Variants in RBFOX3 observed in about 807,000 individuals in gnomAD.
RBFOX3 encodes RNA binding fox-1 homolog 3.
RBFOX3 carries 17 observed loss-of-function variants against 48.7 expected under a neutral mutation model. The ratio of observed to expected loss-of-function variants is 0.35; its 90% CI spans 0.24 to 0.52. The LOEUF is 0.52. Ranked by LOEUF, RBFOX3 falls within the 20% of genes least tolerant of loss-of-function variation. The pLI, the probability that RBFOX3 is intolerant of heterozygous loss-of-function variation, is 0.94. For missense variants in RBFOX3, 382 were observed against 497.5 expected (o/e 0.77, Z 2.21); for synonymous variants, 212 against 209.5 (o/e 1.01, Z -0.10).
chr17:79,505,233 C>A (rs1485033112), intron 1 of RBFOX3, among the ~76,000 whole-genome samples: 1 of 152,142 alleles, frequency 6.6e-6, no homozygotes, highest in African/African-American at 2.4e-5. Flanking sequence ...CTACAGAAGA[C>A]CCCGCCCAGG....
intron 3 of RBFOX3, among the ~76,000 whole-genome samples, chr17:79,266,949 C>G (rs1306845867): frequency 6.6e-6 from 1 of 152,194 alleles, no homozygotes; most frequent in Admixed American, 6.5e-5. Context: ...TTGCATGCCA[C>G]TTTCTTGAGT....
At chr17:79,240,864 C>T (rs144810829) in intron 3 of RBFOX3, among the ~76,000 whole-genome samples, 2 of 152,264 alleles carry the variant, frequency 1.3e-5, no homozygotes, top group East Asian at 1.9e-4. Context: ...TGGGGTTTCA[C>T]CATGTTAGCC....
In RBFOX3 at chr17:79,491,802, G is replaced by A. The variant is rs559712499; in HGVS notation, c.-319-9204C>T. Among the ~76,000 whole-genome samples the A allele has an allele frequency of 1.8e-4, 28 of 152,270 alleles. No individual in the cohort carries two copies. The East Asian group carries it at 2.1e-3, about 12-fold the overall frequency. On this transcript the variant is annotated intron_variant, in intron 1 of 14. Coordinates refer to ENST00000693108, the MANE Select transcript of RBFOX3 (RefSeq NM_001350451.2). ...CCTATGTTAAAAATGGCACAAGGCC[G>A]GGCATGGTGGTTCATACCTGTAATC...
intron 1 of RBFOX3, among the ~76,000 whole-genome samples, chr17:79,514,550 A>G (rs1319568543): frequency 2.0e-5 from 3 of 152,128 alleles, no homozygotes; most frequent in African/African-American, 7.2e-5. Flanking sequence ...GATCTCGGCA[A>G]CCACACAGCG....
At chr17:79,278,921 A>G (rs1428835757) in intron 3 of RBFOX3, among the ~76,000 whole-genome samples, 1 of 151,796 alleles carries the variant, frequency 6.6e-6, no homozygotes, top group Non-Finnish European at 1.5e-5. Flanking sequence ...CTGGTTGAGC[A>G]CTTTTGTGGG....
chr17:79,365,954 C>T (rs929210602), intron 2 of RBFOX3, among the ~76,000 whole-genome samples: 9 of 152,228 alleles, frequency 5.9e-5, no homozygotes, highest in African/African-American at 9.6e-5. Flanking sequence ...ACGCCATCAG[C>T]GTCATGACCA....
At chr17:79,101,024 C>G (rs1417469182) in intron 9 of RBFOX3, among the ~76,000 whole-genome samples, 1 of 152,210 alleles carries the variant, frequency 6.6e-6, no homozygotes, top group African/African-American at 2.4e-5. Flanking sequence ...AGCACCTCCC[C>G]CCGGGCCCTT....
intron 2 of RBFOX3, among the ~76,000 whole-genome samples, chr17:79,371,837 G>A (rs1226559262): frequency 5.3e-5 from 8 of 152,190 alleles, no homozygotes; most frequent in East Asian, 1.9e-4. Context: ...GGTGAGAAGC[G>A]TGTCTCTGCT....
At chr17:79,176,138 A>G (rs772370606) in intron 4 of RBFOX3, among the ~76,000 whole-genome samples, 1 of 152,152 alleles carries the variant, frequency 6.6e-6, no homozygotes, top group Non-Finnish European at 1.5e-5. Context: ...GGTCCTCTGG[A>G]GACGGTGACG....
chr17:79,340,813 G>A (rs575104109), intron 2 of RBFOX3, among the ~76,000 whole-genome samples: 1 of 152,318 alleles, frequency 6.6e-6, no homozygotes, highest in African/African-American at 2.4e-5. Context: ...ATTCCTCAGA[G>A]TCAGCATGCC....
intron 2 of RBFOX3, among the ~76,000 whole-genome samples, chr17:79,336,891 G>A (rs549882556): frequency 3.3e-5 from 5 of 152,258 alleles, no homozygotes; most frequent in Non-Finnish European, 7.4e-5. Flanking sequence ...AGGCAGAGGC[G>A]GGTGGATCAC....
At chr17:79,417,032 C>A (rs1490982165) in intron 2 of RBFOX3, among the ~76,000 whole-genome samples, 10 of 152,308 alleles carry the variant, frequency 6.6e-5, no homozygotes, top group East Asian at 1.9e-4. Context: ...AGTGGAAAGG[C>A]GGCCCCACCC....
At chr17:79,245,629 ATT>A (rs10577875) in intron 3 of RBFOX3, among the ~76,000 whole-genome samples, 45,859 of 130,038 alleles carry the variant, frequency 0.35, 7,425 homozygotes, top group Non-Finnish European at 0.39. Flanking sequence ...GAACATTTGG[ATT>A]TTTTTTTTTT....
At chr17:79,458,526 C>T (rs891429180) in intron 2 of RBFOX3, among the ~76,000 whole-genome samples, 7 of 151,970 alleles carry the variant, frequency 4.6e-5, no homozygotes, top group Non-Finnish European at 7.4e-5. Context: ...CAGCATCGTG[C>T]GACCATCACC....
intron 2 of RBFOX3, among the ~76,000 whole-genome samples, chr17:79,385,680 A>G (rs1321825677): frequency 1.3e-5 from 2 of 152,084 alleles, no homozygotes; most frequent in Non-Finnish European, 2.9e-5. Flanking sequence ...GGGCTCCAGT[A>G]CCTCCTGTGA....
intron 3 of RBFOX3, among the ~76,000 whole-genome samples, chr17:79,304,990 T>C (rs2075895527): frequency 6.6e-6 from 1 of 152,194 alleles, no homozygotes; most frequent in South Asian, 2.1e-4. Context: ...TCATTTTCCA[T>C]GGACGCTATC....
chr17:79,349,934 A>G (rs1393828473), intron 2 of RBFOX3, among the ~76,000 whole-genome samples: 2 of 152,098 alleles, frequency 1.3e-5, no homozygotes, highest in African/African-American at 4.8e-5. Flanking sequence ...CGTGGCCCAC[A>G]CCCACAGTTG....
In RBFOX3 at chr17:79,388,375, G is replaced by A. The variant is rs1335528446; in HGVS notation, c.-174-80551C>T. ...GGATGCAGAGCCAGTGCAAGATCCT[G>A]TTTTAGGGAGCTTTGTCAAGGGTTA... On this transcript the variant is annotated intron_variant, in intron 2 of 14. Transcript: ENST00000693108. Among the ~76,000 whole-genome samples, 4 of 152,150 alleles carry A rather than the reference G, an allele frequency of 2.6e-5. 1 individual carries two copies. The highest frequency in any genetic ancestry group is 1.3e-4 in the Admixed American group (2 of 15,276).
chr17:79,118,614 G>C (rs1044741595), intron 4 of RBFOX3, among the ~76,000 whole-genome samples: 1 of 152,030 alleles, frequency 6.6e-6, no homozygotes, highest in African/African-American at 2.4e-5. Flanking sequence ...TTTGATTAGA[G>C]CCTTCACCGC....
Sources: allele counts gnomAD v4.1 joint callset (sites outside exome capture counted in the v4.1 genomes callset), GRCh38; gene constraint gnomAD v4.1.1; transcripts MANE v1.5; gene names NCBI Gene and HGNC (gene_info 2026-07-23, HGNC 2026-07-21).